PAM: variants seen among roughly 807,000 people sequenced by gnomAD.
PAM encodes peptidyl-glycine alpha-amidating monooxygenase.
A neutral mutation model predicts 122.1 loss-of-function variants in PAM; 72 were observed. The ratio of observed to expected loss-of-function variants is 0.59; its 90% confidence interval spans 0.49 to 0.72. The LOEUF (loss-of-function observed/expected upper bound fraction) is 0.72. Ranked by LOEUF, PAM falls within the 30% of genes least tolerant of loss-of-function variation. The probability of loss-of-function intolerance (pLI) is 0.00; values close to 1 mark genes in which losing one functional copy is unlikely to be tolerated. For synonymous variants in PAM, 389 were observed against 404.4 expected (o/e 0.96, Z 0.46); for missense variants, 1,106 against 1,183.7 (o/e 0.93, Z 0.96).
rs940948805 is a variant in PAM at position 102,770,805 on chromosome 5, C to CT, written c.-374+15464dup. ...ATCAGGGATATTGGCCTATAGTTTT[C>CT]TTTTTTTAATGTATCTTTGTCTGTT... On this transcript the variant is annotated intron_variant, in intron 1 of 25. Transcript: ENST00000438793. Among the ~76,000 whole-genome samples, 11 of 151,902 alleles carry CT rather than the reference C, an allele frequency of 7.2e-5. 1 individual carries two copies. The highest frequency in any genetic ancestry group is 2.6e-4 in the Admixed American group (4 of 15,232).
At chr5:102,761,354 A>G (rs1416342104) in intron 1 of PAM, among the ~76,000 whole-genome samples, 1 of 152,242 alleles carries the variant, frequency 6.6e-6, no homozygotes, top group Non-Finnish European at 1.5e-5. Flanking sequence ...TGTGGGCCAC[A>G]AGTACTGGGA....
rs542816817 is a variant in PAM at position 102,823,883 on chromosome 5, A to T, written c.-373-41940A>T. On this transcript the variant is annotated intron_variant, in intron 1 of 25. Coordinates refer to ENST00000438793, the MANE Select transcript of PAM (RefSeq NM_001177306.2). ...CAGAAAGGGAACTAACTGTATCTCA[A>T]ATAGACCCTGACCATGAAAAAGATA... is the stretch of plus-strand genomic sequence containing the variant. Among the ~76,000 whole-genome samples the T allele has an allele frequency of 2.9e-3, 436 of 152,314 alleles. 2 individuals are homozygous for T. The highest frequency in any genetic ancestry group is 4.9e-3 in the Non-Finnish European group (331 of 68,010).
intron 6 of PAM, 145 bp from the exon 7 acceptor site, chr5:102,926,440 A>C (rs1442000859): frequency 1.8e-6 from 1 of 559,716 alleles, no homozygotes; most frequent in African/African-American, 1.9e-5. Context: ...AGAAATTATC[A>C]GTCAATGGTA....
intron 1 of PAM, among the ~76,000 whole-genome samples, chr5:102,769,815 G>C (rs1457965183): frequency 6.6e-6 from 1 of 152,044 alleles, no homozygotes; most frequent in African/African-American, 2.4e-5. Flanking sequence ...TTTTTGCTCA[G>C]GATAGCTTTG....
At chr5:102,943,912 A>G in intron 7 of PAM, among the ~76,000 whole-genome samples, 1 of 152,158 alleles carries the variant, frequency 6.6e-6, no homozygotes, top group Non-Finnish European at 1.5e-5. Context: ...TTCTGATTGA[A>G]TGCTATTTTC....
chr5:102,804,266 G>A (rs1018213051), intron 1 of PAM, among the ~76,000 whole-genome samples: 33 of 152,258 alleles, frequency 2.2e-4, no homozygotes, highest in Admixed American at 2.0e-3. Flanking sequence ...GAGTTTGGTG[G>A]TAACCTGGTC....
chr5:103,003,677 T>A (rs965785249), intron 17 of PAM, among the ~76,000 whole-genome samples: 1 of 152,154 alleles, frequency 6.6e-6, no homozygotes, highest in Admixed American at 6.6e-5. Flanking sequence ...GTAGTCAAGC[T>A]TGTTACATAT....
chr5:102,846,777 A>T (rs181365652), intron 1 of PAM, among the ~76,000 whole-genome samples: 1 of 152,078 alleles, frequency 6.6e-6, no homozygotes, highest in East Asian at 1.9e-4. Flanking sequence ...TCTTCTCTTG[A>T]TTTACAAAGT....
intron 7 of PAM, among the ~76,000 whole-genome samples, chr5:102,933,698 G>A (rs1194557463): frequency 2.0e-5 from 3 of 152,230 alleles, no homozygotes; most frequent in Admixed American, 1.3e-4. Context: ...GACTCCAGCT[G>A]TATCTCTGCC....
intron 3 of PAM, among the ~76,000 whole-genome samples, chr5:102,883,626 G>A (rs951933137): frequency 1.3e-5 from 2 of 151,884 alleles, no homozygotes; most frequent in Non-Finnish European, 2.9e-5. Context: ...AATCTTTAGG[G>A]TTTTCTAAGT....
intron 16 of PAM, among the ~76,000 whole-genome samples, chr5:102,994,139 A>G (rs191293081): frequency 6.6e-6 from 1 of 152,230 alleles, no homozygotes; most frequent in East Asian, 1.9e-4. Flanking sequence ...CCAGCCTCCC[A>G]CCTAATGTAT....
intron 1 of PAM, among the ~76,000 whole-genome samples, chr5:102,827,068 GGAATT>G (rs1773873234): frequency 6.6e-6 from 1 of 152,104 alleles, no homozygotes; most frequent in Non-Finnish European, 1.5e-5. Flanking sequence ...TAGTTTGTTT[GGAATT>G]CAGTATTAAA....
At chr5:102,799,620 G>T (rs1764186322) in intron 1 of PAM, among the ~76,000 whole-genome samples, 1 of 152,112 alleles carries the variant, frequency 6.6e-6, no homozygotes. Context: ...AATGAAACGG[G>T]TAATGAACAA....
chr5:103,007,918 T>G (rs1404998786), intron 20 of PAM, among the ~76,000 whole-genome samples: 1 of 152,152 alleles, frequency 6.6e-6, no homozygotes, highest in African/African-American at 2.4e-5. Flanking sequence ...ATTTTCATTT[T>G]ATCTTAATTA....
At chr5:103,024,110 G>A (rs975290763) in intron 23 of PAM, among the ~76,000 whole-genome samples, 4 of 152,060 alleles carry the variant, frequency 2.6e-5, no homozygotes, top group African/African-American at 9.7e-5. Flanking sequence ...CCAAGAAGTC[G>A]AAATTTCAGA....
At chr5:102,909,187 T>G (rs1238343725) in intron 4 of PAM, among the ~76,000 whole-genome samples, 1 of 151,708 alleles carries the variant, frequency 6.6e-6, no homozygotes, top group Non-Finnish European at 1.5e-5. Context: ...ACAAACAGTC[T>G]TAGAATACTG....
intron 23 of PAM, among the ~76,000 whole-genome samples, chr5:103,021,982 GGATAA>G (rs1360266031): frequency 6.6e-6 from 1 of 151,752 alleles, no homozygotes; most frequent in South Asian, 2.1e-4. Flanking sequence ...GAAGTTGTAA[GGATAA>G]GATAATTTCA....
At chr5:102,874,016 G>C (rs900683125) in intron 3 of PAM, among the ~76,000 whole-genome samples, 50 of 152,214 alleles carry the variant, frequency 3.3e-4, no homozygotes, top group African/African-American at 1.1e-3. Context: ...TTTGTGAAGA[G>C]AGCAACAAAA....
At chr5:102,834,985 A>C (rs1186492528) in intron 1 of PAM, among the ~76,000 whole-genome samples, 1 of 152,122 alleles carries the variant, frequency 6.6e-6, no homozygotes, top group African/African-American at 2.4e-5. Context: ...ACCAAGTACA[A>C]AGAGGTCCTT....
Sources: gnomAD v4.1 joint callset for allele counts (sites outside exome capture counted in the v4.1 genomes callset) on GRCh38, gnomAD v4.1.1 for gene constraint, MANE v1.5 for transcripts, NCBI Gene and HGNC (gene_info 2026-07-23, HGNC 2026-07-21) for gene names.